Variants in SIK2 observed in about 807,000 individuals in gnomAD.
The protein encoded by SIK2 is salt inducible kinase 2.
A neutral mutation model predicts 103.2 loss-of-function variants in SIK2; 29 were observed. That is an observed-to-expected ratio of 0.28 (90% CI 0.21 to 0.38). The LOEUF is 0.38. Ranked by LOEUF, SIK2 falls within the 10% of genes least tolerant of loss-of-function variation. The pLI, the probability that SIK2 is intolerant of heterozygous loss-of-function variation, is 1.00. For synonymous variants in SIK2, 412 were observed against 446.1 expected (o/e 0.92, Z 0.96); for missense variants, 879 against 1,171.0 (o/e 0.75, Z 3.64).
intron 3 of SIK2, among the ~76,000 whole-genome samples, chr11:111,644,575 AGTTT>A (rs1565327806): frequency 6.6e-6 from 1 of 152,094 alleles, no homozygotes; most frequent in Non-Finnish European, 1.5e-5. Flanking sequence ...GTTACCTGTT[AGTTT>A]ATTTCTCATC....
intron 3 of SIK2, among the ~76,000 whole-genome samples, chr11:111,655,313 A>G (rs1369066055): frequency 2.0e-5 from 3 of 152,288 alleles, no homozygotes; most frequent in African/African-American, 7.2e-5. Context: ...GAGAGGCGAG[A>G]GAATTGCTTG....
chr11:111,645,747 G>A (rs571984574), intron 3 of SIK2, among the ~76,000 whole-genome samples: 7 of 151,712 alleles, frequency 4.6e-5, no homozygotes, highest in African/African-American at 9.7e-5. Flanking sequence ...CCCAGGAGGC[G>A]GAGGTTGCAA....
chr11:111,703,165 T>C (rs1452310995), intron 6 of SIK2, 38 bp from the exon 7 acceptor site: 2 of 1,590,244 alleles, frequency 1.3e-6, no homozygotes, highest in East Asian at 2.2e-5. Context: ...AAGTGCAAGG[T>C]GATTCTTGTG....
chr11:111,719,746 CTG>C, intron 9 of SIK2, 27 bp from the exon 10 acceptor site: 1 of 1,597,016 alleles, frequency 6.3e-7, no homozygotes, highest in Non-Finnish European at 8.5e-7. Flanking sequence ...AGTGCAGAAA[CTG>C]AGTTTCCTCT....
chr11:111,653,571 T>A (rs995979244), intron 3 of SIK2, among the ~76,000 whole-genome samples: 7 of 152,218 alleles, frequency 4.6e-5, no homozygotes, highest in African/African-American at 1.7e-4. Flanking sequence ...AATTGAGGTG[T>A]AATGAAGGCT....
chr11:111,631,379 G>A (rs1942035330), intron 3 of SIK2, among the ~76,000 whole-genome samples: 1 of 152,164 alleles, frequency 6.6e-6, no homozygotes, highest in Non-Finnish European at 1.5e-5. Flanking sequence ...GTTTATGGTA[G>A]ACTCACATCA....
At chr11:111,685,957 G>A (rs1347702202) in intron 3 of SIK2, among the ~76,000 whole-genome samples, 3 of 152,158 alleles carry the variant, frequency 2.0e-5, no homozygotes. Context: ...TACAGCCCCA[G>A]ATTGACTGTT....
Position 111,705,189 on chromosome 11 carries a change from TG to T in SIK2, c.1101+51del. ...TTATCTGTGCATGTGCCTGTTCACA[TG>T]TTTGATACATTTTTCATCTTATACA... On this transcript the variant is annotated intron_variant, in intron 8 of 14. Coordinates refer to ENST00000304987, the MANE Select transcript of SIK2 (RefSeq NM_015191.3). This position sits in a 1 kb window ranked among gnomAD's most constrained non-coding sequence, Gnocchi z 4.3. 8.2e-6 allele frequency: 12 copies of T among 1,468,574 alleles called. No individual in the cohort carries two copies. The highest frequency in any genetic ancestry group is 9.0e-6 in the Non-Finnish European group (10 of 1,115,542). The allele number at this position is 1,468,574 out of a possible 1,614,324, so 91.0% of individuals were successfully genotyped here.
In SIK2 at chr11:111,727,995, T is replaced by C. The variant is rs1944031811; in HGVS notation, c.*3866T>C. ...AAGCTCCCTATTGGTTTAAAGAAAATTCATACTCCAGGTAACTTTTTCCCA... is the reference window on the plus strand; with the variant it reads ...AAGCTCCCTATTGGTTTAAAGAAAACTCATACTCCAGGTAACTTTTTCCCA... On this transcript the variant is annotated 3_prime_UTR_variant, in exon 15 of 15. Coordinates refer to ENST00000304987, the MANE Select transcript of SIK2 (RefSeq NM_015191.3). 6.6e-6 allele frequency: 1 copy of C among 152,156 alleles called. No individual in the cohort carries two copies. Among genetic ancestry groups the C allele is most frequent in the Non-Finnish European group, 1.5e-5 (1 of 68,042 alleles). 9.4% of individuals were successfully genotyped at this position (152,156 alleles called of 1,614,324 possible). A position where few individuals can be genotyped will look rare whatever the true frequency, so the allele number is the denominator to read the frequency against.
intron 4 of SIK2, among the ~76,000 whole-genome samples, chr11:111,696,030 G>C (rs1471597733): frequency 2.0e-5 from 3 of 152,190 alleles, no homozygotes; most frequent in Non-Finnish European, 1.5e-5. Context: ...GTCTGCTGCG[G>C]CTGGTTAATT....
chr11:111,700,734 C>T, intron 4 of SIK2, 152 bp from the exon 5 acceptor site: 1 of 873,802 alleles, frequency 1.1e-6, no homozygotes, highest in Non-Finnish European at 1.7e-6. Context: ...TGTGCTAATG[C>T]CAGGGAAACA....
chr11:111,608,516 T>G (rs1941677455), intron 1 of SIK2, among the ~76,000 whole-genome samples: 1 of 152,216 alleles, frequency 6.6e-6, no homozygotes, highest in Non-Finnish European at 1.5e-5. Context: ...CATCTTCTTC[T>G]AGTTATTCAC....
At chr11:111,720,132 T>C in intron 10 of SIK2, 129 bp downstream of exon 10, 4 of 928,796 alleles carry the variant, frequency 4.3e-6, no homozygotes, top group Non-Finnish European at 6.6e-6. Flanking sequence ...ATGGATTAGA[T>C]TCAGCAGGTA....
At chr11:111,628,416 A>ATCTATCTTTCTTTCTTTCTT (rs1941989555) in intron 3 of SIK2, among the ~76,000 whole-genome samples, 1 of 125,570 alleles carries the variant, frequency 8.0e-6, no homozygotes, top group Non-Finnish European at 1.7e-5. Flanking sequence ...CCGCTTTCAT[A>ATCTATCTTTCTTTCTTTCTT]TCTTTCTTTC....
At chr11:111,654,726 T>C (rs1048864932) in intron 3 of SIK2, among the ~76,000 whole-genome samples, 3 of 152,236 alleles carry the variant, frequency 2.0e-5, no homozygotes, top group African/African-American at 7.2e-5. Context: ...TTTTTCTGCT[T>C]GTCATCAACT....
chr11:111,712,752 T>A (rs1320806408), intron 9 of SIK2, among the ~76,000 whole-genome samples: 2 of 152,240 alleles, frequency 1.3e-5, no homozygotes, highest in African/African-American at 4.8e-5. Context: ...CATGCCAAAT[T>A]GGGCTTTATT....
chr11:111,632,960 G>T (rs1476100384), intron 3 of SIK2, among the ~76,000 whole-genome samples: 1 of 152,066 alleles, frequency 6.6e-6, no homozygotes, highest in African/African-American at 2.4e-5. Flanking sequence ...AGTAGGAAGC[G>T]TTTGGGCTCC....
Position 111,727,320 on chromosome 11 carries a change from C to G in SIK2, c.*3191C>G, listed in dbSNP as rs1944005456. The G allele has an allele frequency of 4.1e-6, 2 of 493,118 alleles. No homozygotes were observed. The highest frequency in any genetic ancestry group is 3.8e-5 in the South Asian group (1 of 26,224). 30.5% of individuals were successfully genotyped at this position (493,118 alleles called of 1,614,324 possible). A position where few individuals can be genotyped will look rare whatever the true frequency, so the allele number is the denominator to read the frequency against. On this transcript the variant is annotated 3_prime_UTR_variant, in exon 15 of 15. Coordinates refer to ENST00000304987, the MANE Select transcript of SIK2 (RefSeq NM_015191.3). ...TGAGCAAACCCCTTCTCTCTTCCAT[C>G]CACTTTTGCCTCCTAGGAAAGAAAA... is the stretch of plus-strand genomic sequence containing the variant.
chr11:111,629,209 C>A (rs7948236), intron 3 of SIK2, among the ~76,000 whole-genome samples: 89,254 of 152,070 alleles, frequency 0.59, 30,275 homozygotes, highest in East Asian at 0.96. Flanking sequence ...TGAGCACTAT[C>A]TTTTTGTTGG....
Sources: allele counts gnomAD v4.1 joint callset (sites outside exome capture counted in the v4.1 genomes callset), GRCh38; gene constraint gnomAD v4.1.1; non-coding constraint Gnocchi (gnomAD v3.1); transcripts MANE v1.5; gene names NCBI Gene and HGNC (gene_info 2026-07-23, HGNC 2026-07-21).